ADAMTSL3: variants seen among roughly 807,000 people sequenced by gnomAD.
The protein encoded by ADAMTSL3 is ADAMTS like 3.
A neutral mutation model predicts 201.7 loss-of-function variants in ADAMTSL3; 128 were observed. The ratio of observed to expected loss-of-function variants is 0.63; its 90% confidence interval spans 0.55 to 0.73. The LOEUF is 0.73. Among genes scored for constraint, ADAMTSL3 ranks in the 30% least tolerant of loss-of-function variants. The probability of loss-of-function intolerance (pLI) is 0.00; values close to 1 mark genes in which losing one functional copy is unlikely to be tolerated. For missense variants in ADAMTSL3, 1,990 were observed against 2,119.6 expected, an observed-to-expected ratio of 0.94 and a Z score of 1.20; for synonymous variants, 738 against 748.4, an observed-to-expected ratio of 0.99 and a Z score of 0.23.
At chr15:83,838,553 T>G (rs2141979118) in intron 7 of ADAMTSL3, among the ~76,000 whole-genome samples, 1 of 152,374 alleles carries the variant, frequency 6.6e-6, no homozygotes, top group South Asian at 2.1e-4. Context: ...GTCATGTATC[T>G]ATTGACCATT....
rs188406553 is a variant in ADAMTSL3, at chr15:83,690,100, T to C, written c.70-14289T>C. Among the ~76,000 whole-genome samples the C allele has an allele frequency of 5.6e-3, 854 of 152,294 alleles. 9 individuals carry two copies. Among genetic ancestry groups the C allele is most frequent in the African/African-American group, 0.019 (791 of 41,558 alleles). ...TAATTTTTTCTTGAGTTCTGAGATA[T>C]GTTATTTTGTTCTGGTTCATTTTCC... On this transcript the variant is annotated intron_variant, in intron 2 of 29. Transcript: ENST00000286744.
intron 17 of ADAMTSL3, among the ~76,000 whole-genome samples, chr15:83,939,250 C>T (rs1231029831): frequency 6.8e-6 from 1 of 147,140 alleles, no homozygotes. Context: ...AGTTCTTCTT[C>T]TTTTTTTTTT....
At chr15:83,733,158 C>G (rs1596108166) in intron 3 of ADAMTSL3, among the ~76,000 whole-genome samples, 1 of 152,046 alleles carries the variant, frequency 6.6e-6, no homozygotes. Flanking sequence ...TTAAACCCTC[C>G]GAAACAAAAA....
intron 3 of ADAMTSL3, among the ~76,000 whole-genome samples, chr15:83,719,127 G>T (rs915067620): frequency 6.6e-6 from 1 of 152,164 alleles, no homozygotes; most frequent in Non-Finnish European, 1.5e-5. Context: ...ACCCATGTAG[G>T]ATTCTTGCCT....
chr15:83,706,177 G>A (rs2061848572), intron 3 of ADAMTSL3, among the ~76,000 whole-genome samples: 1 of 152,110 alleles, frequency 6.6e-6, no homozygotes, highest in African/African-American at 2.4e-5. Context: ...GGGCCGTAAA[G>A]GATAAAAGCG....
At chr15:83,878,609 A>G (rs28401196) in intron 9 of ADAMTSL3, among the ~76,000 whole-genome samples, 45,873 of 135,194 alleles carry the variant, frequency 0.34, 8,047 homozygotes, top group African/African-American at 0.51. Flanking sequence ...GTGAGACGCC[A>G]TTTCAAAAAA....
rs756828858 is a variant in ADAMTSL3 at position 83,982,637 on chromosome 15, C to T, written c.3009C>T (p.Ile1003=). ...LKLIGTDNRL[I]ARPALREPMR... is the part of the protein sequence containing the mutation. Reference sequence around the variant, plus strand: ...TCATTGGTACTGACAACCGGCTCATCGCACGCCCAGCCCTCAGGGAGCCTA... The same window carrying T: ...TCATTGGTACTGACAACCGGCTCATTGCACGCCCAGCCCTCAGGGAGCCTA... Residue 1003 remains isoleucine (I), a synonymous_variant, in exon 21 of 30, where the codon ATC becomes ATT. Transcript: ENST00000286744. The T allele has an allele frequency of 1.4e-5, 23 of 1,614,048 alleles. No homozygotes were observed. The highest frequency in any genetic ancestry group is 5.5e-5 in the South Asian group (5 of 91,088).
At chr15:83,829,219 A>C (rs943922378) in intron 6 of ADAMTSL3, among the ~76,000 whole-genome samples, 1 of 152,192 alleles carries the variant, frequency 6.6e-6, no homozygotes, top group African/African-American at 2.4e-5. Context: ...TTATTGGTCT[A>C]TTCAGAGATT....
intron 5 of ADAMTSL3, among the ~76,000 whole-genome samples, chr15:83,816,050 GA>G (rs1039520926): frequency 6.6e-6 from 1 of 152,242 alleles, no homozygotes; most frequent in Non-Finnish European, 1.5e-5. Flanking sequence ...GTTTTTAAGA[GA>G]ATTTAAGCAT....
chr15:83,753,807 T>G (rs1204283610), intron 3 of ADAMTSL3, among the ~76,000 whole-genome samples: 2 of 152,182 alleles, frequency 1.3e-5, no homozygotes, highest in African/African-American at 4.8e-5. Flanking sequence ...TAAAGTGATC[T>G]ATAGGAACCT....
At chr15:83,961,651 C>G (rs894623790) in intron 19 of ADAMTSL3, 19 of 152,192 alleles carry the variant, frequency 1.2e-4, no homozygotes, top group African/African-American at 4.6e-4. Context: ...AGGATTTCCT[C>G]TTCATCCTGT....
At chr15:83,697,058 C>T (rs1403717065) in intron 2 of ADAMTSL3, among the ~76,000 whole-genome samples, 1 of 152,096 alleles carries the variant, frequency 6.6e-6, no homozygotes, top group Non-Finnish European at 1.5e-5. Context: ...TGAGAGCTCA[C>T]ACCAGGTTAG....
At chr15:84,004,946 C>T (rs1183938864) in intron 23 of ADAMTSL3, among the ~76,000 whole-genome samples, 3 of 152,144 alleles carry the variant, frequency 2.0e-5, no homozygotes, top group South Asian at 2.1e-4. Flanking sequence ...CAGTGACTCC[C>T]CTAAATTGAA....
chr15:83,812,383 G>A (rs549090532), intron 5 of ADAMTSL3, among the ~76,000 whole-genome samples: 1 of 152,166 alleles, frequency 6.6e-6, no homozygotes, highest in Non-Finnish European at 1.5e-5. Context: ...AATGGGGATG[G>A]TCATTCACTC....
chr15:83,836,536 T>G (rs1398461784), intron 6 of ADAMTSL3, among the ~76,000 whole-genome samples: 1 of 152,222 alleles, frequency 6.6e-6, no homozygotes, highest in African/African-American at 2.4e-5. Flanking sequence ...GTTTCATTTC[T>G]TCTTCAACAG....
intron 2 of ADAMTSL3, among the ~76,000 whole-genome samples, chr15:83,666,667 C>T (rs2061251966): frequency 6.6e-6 from 1 of 151,966 alleles, no homozygotes; most frequent in Admixed American, 6.6e-5. Context: ...GGGAGACCCC[C>T]ATCCCTACAA....
At chr15:83,789,581 T>C (rs1245149479) in intron 4 of ADAMTSL3, among the ~76,000 whole-genome samples, 1 of 152,140 alleles carries the variant, frequency 6.6e-6, no homozygotes, top group Non-Finnish European at 1.5e-5. Flanking sequence ...TGATGATGTC[T>C]TTAGGTGTTC....
At chr15:83,706,250 G>T (rs1004970796) in intron 3 of ADAMTSL3, among the ~76,000 whole-genome samples, 2 of 152,146 alleles carry the variant, frequency 1.3e-5, no homozygotes, top group Non-Finnish European at 2.9e-5. Context: ...TCTTCTCCAG[G>T]TTCCACAGAT....
rs112269587 is a variant in ADAMTSL3, at chr15:83,858,571, C to T, written c.728-195C>T. On this transcript the variant is annotated intron_variant, in intron 7 of 29. Coordinates refer to ENST00000286744, the MANE Select transcript of ADAMTSL3 (RefSeq NM_207517.3). ...TATTTTTAGTAGAGATGGGGTTTCA[C>T]CATCTTGGCCAGGCTGGTCTCGAAC... 0.025 allele frequency among the ~76,000 whole-genome samples: 3,795 copies of T among 152,206 alleles called. 163 individuals carry two copies. The highest frequency in any genetic ancestry group is 0.086 in the African/African-American group (3,555 of 41,510).
Sources: allele counts gnomAD v4.1 joint callset (sites outside exome capture counted in the v4.1 genomes callset), GRCh38; gene constraint gnomAD v4.1.1; transcripts MANE v1.5; gene names NCBI Gene and HGNC (gene_info 2026-07-23, HGNC 2026-07-21).